The following KLF12 variants were observed in gnomAD, a reference collection of about 807,000 sequenced individuals.
KLF12 encodes the protein KLF transcription factor 12, also known as Krueppel-like factor 12.
Under a neutral mutation model 37.8 loss-of-function variants are expected in KLF12, and 9 were observed. That is an observed-to-expected ratio of 0.24 (90% CI 0.14 to 0.42). The LOEUF is 0.42. Among genes scored for constraint, KLF12 ranks in the 10% least tolerant of loss-of-function variants. The pLI is 1.00. For missense variants in KLF12, 411 were observed against 516.0 expected (o/e 0.80, Z 1.97); for synonymous variants, 208 against 202.1 (o/e 1.03, Z -0.25).
intron 1 of KLF12, among the ~76,000 whole-genome samples, chr13:74,006,627 C>T (rs560869865): frequency 1.8e-4 from 28 of 152,308 alleles, no homozygotes; most frequent in African/African-American, 6.7e-4. Context: ...AGCAGCACTT[C>T]CAAGAACTCA....
chr13:74,256,609 T>G, the KLF12 span, among the ~76,000 whole-genome samples: 1 of 152,104 alleles, frequency 6.6e-6, no homozygotes, highest in African/African-American at 2.4e-5. Flanking sequence ...CTTCAACACA[T>G]TGGTGGTGGT....
At chr13:73,803,438 TC>T (rs796939322) in intron 5 of KLF12, among the ~76,000 whole-genome samples, 14 of 152,152 alleles carry the variant, frequency 9.2e-5, no homozygotes, top group African/African-American at 2.7e-4. Flanking sequence ...CCAGAGTTCT[TC>T]CCCAAACACC....
chr13:74,299,776 C>T, the KLF12 span, among the ~76,000 whole-genome samples: 1 of 152,136 alleles, frequency 6.6e-6, no homozygotes, highest in African/African-American at 2.4e-5. Context: ...TTTTCTATTT[C>T]TTCTTCTCCT....
chr13:74,194,105 G>A, the KLF12 span, among the ~76,000 whole-genome samples: 3 of 152,104 alleles, frequency 2.0e-5, no homozygotes, highest in African/African-American at 4.8e-5. Context: ...ATGGGAGAAG[G>A]GAGAACAAGG....
At chr13:73,949,708 TTTCTC>T (rs1890574444) in intron 2 of KLF12, among the ~76,000 whole-genome samples, 1 of 152,194 alleles carries the variant, frequency 6.6e-6, no homozygotes, top group Non-Finnish European at 1.5e-5. Flanking sequence ...AAAACATCCT[TTTCTC>T]TACTCACATA....
At position 73,709,074 on chromosome 13, in the gene KLF12, G is replaced by A. The variant is rs377407382; in HGVS notation, c.1027+6294C>T. 2.1e-4 allele frequency among the ~76,000 whole-genome samples: 32 copies of A among 152,162 alleles called. No individual in the cohort carries two copies. In the South Asian group the frequency reaches 3.7e-3, roughly 18 times the overall value. On this transcript the variant is annotated intron_variant, in intron 7 of 7. Coordinates refer to ENST00000377669, the MANE Select transcript of KLF12 (RefSeq NM_007249.5). ...TTCAAAAATACTTGGTCACATCTTC[G>A]TGTTATTATCTAAACTGTACACTCA...
At chr13:73,701,197 T>C (rs1284491798) in intron 7 of KLF12, among the ~76,000 whole-genome samples, 1 of 152,196 alleles carries the variant, frequency 6.6e-6, no homozygotes, top group Non-Finnish European at 1.5e-5. Flanking sequence ...TCCCAGGGCC[T>C]GGGCTGCTGC....
chr13:73,887,185 CTAGA>C (rs1253832220), intron 3 of KLF12, among the ~76,000 whole-genome samples: 2 of 152,040 alleles, frequency 1.3e-5, no homozygotes, highest in Admixed American at 1.3e-4. Flanking sequence ...TAATTTTAAT[CTAGA>C]TAGTCTAATC....
the KLF12 span, among the ~76,000 whole-genome samples, chr13:74,230,298 G>T: frequency 6.6e-6 from 1 of 152,180 alleles, no homozygotes; most frequent in Admixed American, 6.5e-5. Context: ...AGTTTCCTGA[G>T]GCCTCCCCAG....
Position 73,785,708 on chromosome 13 carries a change from TAG to T in KLF12, c.807-20710_807-20709del, listed in dbSNP as rs149677415. On this transcript the variant is annotated intron_variant, in intron 5 of 7. Transcript: ENST00000377669. ...CTCATTCTTTATAGTCAATAACACT[TAG>T]AGAGTCATGCTCTGAGGTATCTTCA... is the stretch of plus-strand genomic sequence containing the variant. 3.3e-5 allele frequency among the ~76,000 whole-genome samples: 5 copies of T among 152,230 alleles called. No homozygotes were observed. The East Asian group carries it at 9.7e-4, about 29-fold the overall frequency.
chr13:74,207,843 G>T, the KLF12 span, among the ~76,000 whole-genome samples: 29 of 152,196 alleles, frequency 1.9e-4, no homozygotes, highest in East Asian at 5.4e-3. Flanking sequence ...CTTAATTCAG[G>T]ACAAATTACT....
the KLF12 span, among the ~76,000 whole-genome samples, chr13:74,215,420 CTGGGTTCTTTTTTTTTT>C: frequency 8.0e-6 from 1 of 125,018 alleles, no homozygotes; most frequent in South Asian, 2.4e-4. Context: ...CTCATTTCCT[CTGGGTTCTTTTTTTTTT>C]TTTTTTTTTT....
At chr13:73,700,880 A>T (rs567231911) in intron 7 of KLF12, among the ~76,000 whole-genome samples, 94 of 152,316 alleles carry the variant, frequency 6.2e-4, no homozygotes, top group Middle Eastern at 6.8e-3. Context: ...CTTTGAAGCA[A>T]TTTAAAGCAC....
intron 5 of KLF12, among the ~76,000 whole-genome samples, chr13:73,796,167 T>C (rs568948276): frequency 6.6e-6 from 1 of 152,304 alleles, no homozygotes; most frequent in Admixed American, 6.5e-5. Context: ...AATCGATCTC[T>C]AGTGTACAGA....
At chr13:73,860,029 AG>A (rs1885833486) in intron 3 of KLF12, among the ~76,000 whole-genome samples, 1 of 152,214 alleles carries the variant, frequency 6.6e-6, no homozygotes, top group South Asian at 2.1e-4. Context: ...TTTTGCAAAT[AG>A]GACAATAAGT....
chr13:73,865,658 G>A (rs1886136900), intron 3 of KLF12, among the ~76,000 whole-genome samples: 1 of 151,970 alleles, frequency 6.6e-6, no homozygotes, highest in South Asian at 2.1e-4. Flanking sequence ...CAAACTAAAA[G>A]GAGAGAAATA....
At chr13:73,815,056 A>AAT (rs60166535) in intron 4 of KLF12, among the ~76,000 whole-genome samples, 10,934 of 151,622 alleles carry the variant, frequency 0.072, 472 homozygotes, top group African/African-American at 0.11. Context: ...AAAAAAAAAA[A>AAT]TCACTGTCAT....
At chr13:74,298,782 A>G in the KLF12 span, among the ~76,000 whole-genome samples, 1 of 152,212 alleles carries the variant, frequency 6.6e-6, no homozygotes, top group African/African-American at 2.4e-5. Flanking sequence ...CTCTGTATTT[A>G]GCATATTCCT....
chr13:73,969,062 G>A (rs1282424615), intron 2 of KLF12, among the ~76,000 whole-genome samples: 2 of 150,098 alleles, frequency 1.3e-5, no homozygotes, highest in East Asian at 2.0e-4. Flanking sequence ...GCAATTATTC[G>A]AAAATTCTTC....
Sources: gnomAD v4.1 joint callset for allele counts (sites outside exome capture counted in the v4.1 genomes callset) on GRCh38, gnomAD v4.1.1 for gene constraint, MANE v1.5 for transcripts, NCBI Gene and HGNC (gene_info 2026-07-23, HGNC 2026-07-21) for gene names.